AGFG2: variants seen among roughly 807,000 people sequenced by gnomAD.
AGFG2 encodes ArfGAP with FG repeats 2.
AGFG2 carries 31 observed loss-of-function variants against 48.0 expected under a neutral mutation model. The observed-to-expected ratio is 0.65, with a 90% confidence interval of 0.49 to 0.87. The LOEUF is 0.87. Among genes scored for constraint, AGFG2 ranks in the 40% least tolerant of loss-of-function variants. The pLI, the probability that AGFG2 is intolerant of heterozygous loss-of-function variation, is 0.00. For synonymous variants in AGFG2, 229 were observed against 260.8 expected (o/e 0.88, Z 1.18); for missense variants, 599 against 632.6 (o/e 0.95, Z 0.57).
At position 100,555,641 on chromosome 7, in the gene AGFG2, C is replaced by T; in HGVS notation, c.783C>T (p.Asn261=). The T allele has an allele frequency of 6.2e-7, 1 of 1,614,058 alleles. No homozygotes were observed. The highest frequency in any genetic ancestry group is 8.5e-7 in the Non-Finnish European group (1 of 1,179,928). Residue 261 remains asparagine (N), a synonymous_variant, in exon 6 of 12, where the codon AAC becomes AAT. Coordinates refer to ENST00000300176, the MANE Select transcript of AGFG2 (RefSeq NM_006076.5). ...GQTPSQGGFA[N]FDAFSSGPSS... ...CACCTTCCCAAGGAGGCTTTGCCAA[C>T]TTTGATGCCTTTAGCAGTGGCCCCA...
chr7:100,547,094 T>C (rs2131104593), intron 1 of AGFG2, among the ~76,000 whole-genome samples: 1 of 152,262 alleles, frequency 6.6e-6, no homozygotes, highest in East Asian at 1.9e-4. Context: ...AATCCCATAA[T>C]GAGTAATTTA....
At chr7:100,555,578 C>G (rs1584387403) in intron 5 of AGFG2, 32 bp from the exon 6 acceptor site, 1 of 1,601,908 alleles carries the variant, frequency 6.2e-7, no homozygotes. Context: ...CGACAATTTT[C>G]TATATAACCT....
At position 100,548,934 on chromosome 7, in the gene AGFG2, AGTG is replaced by A. The variant is rs748318145; in HGVS notation, c.315+23_315+25del. 274 of 1,597,860 alleles carry A rather than the reference AGTG, an allele frequency of 1.7e-4. No individual in the cohort carries two copies. Among genetic ancestry groups the A allele is most frequent in the Non-Finnish European group, 2.3e-4 (263 of 1,166,222 alleles). Reference sequence around the variant, plus strand: ...AAATGAGGTGAGCTGCCACCGATGGAGTGGTGAGAAGGTCACCTATCTGCAGGT... The same window carrying A: ...AAATGAGGTGAGCTGCCACCGATGGAGTGAGAAGGTCACCTATCTGCAGGT... On this transcript the variant is annotated intron_variant, in intron 2 of 11. Coordinates refer to ENST00000300176, the MANE Select transcript of AGFG2 (RefSeq NM_006076.5).
chr7:100,560,978 ATTTTTTTTT>A (rs1167654964), intron 6 of AGFG2, among the ~76,000 whole-genome samples: 41 of 135,260 alleles, frequency 3.0e-4, no homozygotes, highest in East Asian at 1.1e-3. Context: ...TGCCTGGCTA[ATTTTTTTTT>A]TTTTTGTATT....
At chr7:100,540,419 G>GA (rs1459809562) in intron 1 of AGFG2, among the ~76,000 whole-genome samples, 4 of 152,150 alleles carry the variant, frequency 2.6e-5, no homozygotes, top group Non-Finnish European at 5.9e-5. Flanking sequence ...GGAAACTCTA[G>GA]ATTTTGGGGG....
At chr7:100,561,506 C>T (rs1399829686) in intron 6 of AGFG2, among the ~76,000 whole-genome samples, 4 of 152,182 alleles carry the variant, frequency 2.6e-5, no homozygotes, top group African/African-American at 4.8e-5. Flanking sequence ...AAGATAGAGA[C>T]GAGACTTTGA....
chr7:100,554,114 C>T lies in AGFG2; in HGVS notation c.607C>T (p.Arg203Trp), dbSNP rs772348346. 1.6e-5 allele frequency: 26 copies of T among 1,613,690 alleles called. No individual in the cohort carries two copies. Among genetic ancestry groups the T allele is most frequent in the South Asian group, 5.5e-5 (5 of 91,052 alleles). ...CAAGCCCGTCAGTCAGTCTCACGCT[C>T]GGACATCCCAGGCCCGGAGCACTCA... The part of the protein sequence containing the change: ...SSQPVSQSHA[R>W]TSQARSTQPP... Residue 203 changes from arginine to tryptophan, a missense_variant, in exon 5 of 12, where the codon CGG (arginine) becomes TGG (tryptophan). Transcript: ENST00000300176.
rs777568708 is a variant in AGFG2, at chr7:100,554,217, C to T, written c.710C>T (p.Pro237Leu). Residue 237 changes from proline to leucine, a missense_variant, in exon 5 of 12, where the codon CCC becomes CTC. Transcript: ENST00000300176. The stretch of plus-strand genomic sequence containing the variant: ...ATCGGTGGAGACCCCTTTGCTGCAC[C>T]CCAGATGGCACCAGCTTTTGCTGCA... The part of the protein sequence containing the change: ...ADIGGDPFAA[P>L]QMAPAFAAFP... 2 of 1,613,978 alleles carry T rather than the reference C, an allele frequency of 1.2e-6. No homozygotes were observed. Among genetic ancestry groups the T allele is most frequent in the Admixed American group, 1.7e-5 (1 of 59,956 alleles).
intron 10 of AGFG2, 94 bp downstream of exon 10, chr7:100,564,056 G>C (rs1800942791): frequency 6.4e-7 from 1 of 1,570,740 alleles, no homozygotes. Flanking sequence ...AGCCCATGCA[G>C]TGCCCTTTCT....
rs766055263 is a variant in AGFG2, at chr7:100,566,124, C to T, written c.*1133C>T. 1.3e-5 allele frequency: 2 copies of T among 152,378 alleles called. No homozygotes were observed. Among genetic ancestry groups the T allele is most frequent in the Non-Finnish European group, 2.9e-5 (2 of 68,062 alleles). 9.4% of individuals were successfully genotyped at this position (152,378 alleles called of 1,614,324 possible). A position where few individuals can be genotyped will look rare whatever the true frequency, so the allele number is the denominator to read the frequency against. ...TGATAATGCTGCCATTGGCCAGAGACAGGGCAGAGCCCGTCCCTGTCTGAA... is the reference window on the plus strand; with the variant it reads ...TGATAATGCTGCCATTGGCCAGAGATAGGGCAGAGCCCGTCCCTGTCTGAA... On this transcript the variant is annotated 3_prime_UTR_variant, in exon 12 of 12. Transcript: ENST00000300176.
rs1345663216 is a variant in AGFG2, at chr7:100,566,091, T to C, written c.*1100T>C. The C allele has an allele frequency of 6.6e-6, 1 of 152,446 alleles. No individual in the cohort carries two copies. The highest frequency in any genetic ancestry group is 1.5e-5 in the Non-Finnish European group (1 of 68,044). 9.4% of individuals were successfully genotyped at this position (152,446 alleles called of 1,614,324 possible). On this transcript the variant is annotated 3_prime_UTR_variant, in exon 12 of 12. Coordinates refer to ENST00000300176, the MANE Select transcript of AGFG2 (RefSeq NM_006076.5). ...CCTGGCTCTGCTGGGCTGGACTGCC[T>C]GGGCCAGTGATAATGCTGCCATTGG... is the stretch of plus-strand genomic sequence containing the variant.
chr7:100,540,145 C>T lies in AGFG2; in HGVS notation c.221+578C>T, dbSNP rs148640921. Among the ~76,000 whole-genome samples the T allele has an allele frequency of 3.9e-4, 58 of 149,354 alleles. No individual in the cohort carries two copies. In the East Asian group the frequency reaches 0.011, roughly 29 times the overall value. On this transcript the variant is annotated intron_variant, in intron 1 of 11. Coordinates refer to ENST00000300176, the MANE Select transcript of AGFG2 (RefSeq NM_006076.5). ...AAAAAAAAAAAAAAAAGCGAATTAA[C>T]CCCGATTGACAGCCTAGAGATAGTG... is the stretch of plus-strand genomic sequence containing the variant.
intron 6 of AGFG2, among the ~76,000 whole-genome samples, chr7:100,558,947 C>G (rs1290782474): frequency 6.6e-6 from 1 of 151,942 alleles, no homozygotes; most frequent in Non-Finnish European, 1.5e-5. Context: ...ACCAGCCTGG[C>G]CTACATGGTG....
chr7:100,565,222 AG>A lies in AGFG2; in HGVS notation c.*234del. 3 of 598,850 alleles carry A rather than the reference AG, an allele frequency of 5.0e-6. No homozygotes were observed. The highest frequency in any genetic ancestry group is 8.9e-6 in the Non-Finnish European group (3 of 336,858). The allele number at this position is 598,850 out of a possible 1,614,324, so 37.1% of individuals were successfully genotyped here. A position where few individuals can be genotyped will look rare whatever the true frequency, so the allele number is the denominator to read the frequency against. ...CAGGAAGCCCAGGAGGAGTGCGGGCAGGGCCTGACCTGGAGGAGTGATGGTT... is the reference window on the plus strand; with the variant it reads ...CAGGAAGCCCAGGAGGAGTGCGGGCAGGCCTGACCTGGAGGAGTGATGGTT... On this transcript the variant is annotated 3_prime_UTR_variant, in exon 12 of 12. Coordinates refer to ENST00000300176, the MANE Select transcript of AGFG2 (RefSeq NM_006076.5).
intron 4 of AGFG2, 89 bp downstream of exon 4, chr7:100,553,589 G>A: frequency 2.0e-6 from 3 of 1,470,808 alleles, no homozygotes; most frequent in Non-Finnish European, 2.8e-6. Flanking sequence ...GGACTTAGCA[G>A]ACAACAGTGC....
chr7:100,550,608 G>GACTAGA, intron 3 of AGFG2, 97 bp downstream of exon 3: 1 of 891,928 alleles, frequency 1.1e-6, no homozygotes, highest in Non-Finnish European at 1.8e-6. Context: ...TCTCACAAAA[G>GACTAGA]ACTAGACTTG....
chr7:100,550,305 CAAAAA>C (rs61255061), intron 2 of AGFG2, 86 bp from the exon 3 acceptor site: 1,567 of 295,412 alleles, frequency 5.3e-3, no homozygotes, highest in East Asian at 6.4e-3. Flanking sequence ...GACTCCGTCT[CAAAAA>C]AAAAAAAAAA....
chr7:100,563,983 A>G (rs1419791469), intron 10 of AGFG2, 21 bp downstream of exon 10: 2 of 1,603,992 alleles, frequency 1.2e-6, no homozygotes, highest in Admixed American at 3.3e-5. Flanking sequence ...TAGATGGACA[A>G]ACCCTTTCAC....
Position 100,539,448 on chromosome 7 carries a change from G to A in AGFG2, c.102G>A (p.Arg34=). The A allele has an allele frequency of 7.6e-7, 1 of 1,324,422 alleles. No homozygotes were observed. The highest frequency in any genetic ancestry group is 9.7e-7 in the Non-Finnish European group (1 of 1,033,592). The allele number at this position is 1,324,422 out of a possible 1,614,324, so 82.0% of individuals were successfully genotyped here. A position where few individuals can be genotyped will look rare whatever the true frequency, so the allele number is the denominator to read the frequency against. Residue 34 remains arginine, a synonymous_variant, in exon 1 of 12, where the codon CGG becomes CGA. Coordinates refer to ENST00000300176, the MANE Select transcript of AGFG2 (RefSeq NM_006076.5). ...AASEVWCRRV[R]ELGGCSQAGN... is the part of the protein sequence containing the mutation. ...CGGAGGTGTGGTGCCGTCGGGTGCG[G>A]GAGCTGGGTGGCTGCAGCCAGGCCG...
Sources: gnomAD v4.1 joint callset for allele counts (sites outside exome capture counted in the v4.1 genomes callset) on GRCh38, gnomAD v4.1.1 for gene constraint, MANE v1.5 for transcripts, NCBI Gene and HGNC (gene_info 2026-07-23, HGNC 2026-07-21) for gene names.